TRPM7: variants seen among roughly 807,000 people sequenced by gnomAD.
TRPM7 encodes the protein transient receptor potential cation channel subfamily M member 7, also known as LTRPC ion channel family member 7.
In TRPM7, 134 loss-of-function variants were observed where a neutral mutation model predicts 229.7. The ratio of observed to expected loss-of-function variants is 0.58; its 90% CI spans 0.51 to 0.67. The LOEUF (loss-of-function observed/expected upper bound fraction) is 0.67, where lower values mean the gene tolerates loss of function less well. TRPM7 is among the 30% of genes least tolerant of loss of function. The probability of loss-of-function intolerance (pLI) is 0.00; values close to 1 mark genes in which losing one functional copy is unlikely to be tolerated. For missense variants in TRPM7, 1,901 were observed against 2,210.0 expected (o/e 0.86, Z 2.80); for synonymous variants, 699 against 715.2 (o/e 0.98, Z 0.36).
intron 1 of TRPM7, among the ~76,000 whole-genome samples, chr15:50,679,147 C>G (rs1246437559): frequency 6.7e-6 from 1 of 149,666 alleles, no homozygotes; most frequent in Non-Finnish European, 1.5e-5. Flanking sequence ...GCTGGGATTA[C>G]AGGCATTAAC....
At chr15:50,642,721 C>A (rs773037594) in intron 5 of TRPM7, among the ~76,000 whole-genome samples, 1 of 152,116 alleles carries the variant, frequency 6.6e-6, no homozygotes, top group Non-Finnish European at 1.5e-5. Flanking sequence ...ATTACCAAGT[C>A]TCGGGCAGTT....
chr15:50,569,949 G>C lies in TRPM7; in HGVS notation c.5405C>G (p.Ala1802Gly), dbSNP rs1033839349. The C allele has an allele frequency of 6.2e-7, 1 of 1,611,946 alleles. No homozygotes were observed. The highest frequency in any genetic ancestry group is 1.7e-5 in the Admixed American group (1 of 59,818). Residue 1802 changes from alanine (A) to glycine (G), a missense_variant, in exon 38 of 39, where the codon GCA becomes GGA. Physicochemically the swap from Ala to Gly is moderately conservative, Grantham distance 60 (BLOSUM62 0). Coordinates refer to ENST00000646667, the MANE Select transcript of TRPM7 (RefSeq NM_017672.6). ...ATGTTTTGCTCTGAAGTTTTTAATT[G>C]CATCTTCTCCTAGATTTGCTGGGCC... ...VFGPANLGED[A>G]IKNFRAKHHC...
chr15:50,563,710 T>A (rs763286939), intron 38 of TRPM7, among the ~76,000 whole-genome samples: 6 of 152,206 alleles, frequency 3.9e-5, no homozygotes, highest in Non-Finnish European at 7.3e-5. Flanking sequence ...CTAAAGATGC[T>A]TTATAGCAAG....
chr15:50,607,283 C>T lies in TRPM7; in HGVS notation c.2626G>A (p.Val876Ile). Residue 876 changes from valine (V) to isoleucine (I), a missense_variant, in exon 20 of 39, where the codon GTA becomes ATA. Transcript: ENST00000646667. ...ACTGAAGGTAACTGTTCCATTTGTA[C>T]AAGAACCACAAATGTATAAAGCATC... ...FLMLYTFVVL[V>I]QMEQLPSVQE... 2.5e-6 allele frequency: 4 copies of T among 1,605,634 alleles called. No individual in the cohort carries two copies. The highest frequency in any genetic ancestry group is 2.2e-5 in the South Asian group (2 of 89,018).
At chr15:50,564,239 AC>A (rs2141431693) in intron 38 of TRPM7, among the ~76,000 whole-genome samples, 1 of 146,824 alleles carries the variant, frequency 6.8e-6, no homozygotes, top group East Asian at 2.0e-4. Flanking sequence ...ACAGAGTGAG[AC>A]TGTCTCAAAA....
chr15:50,611,852 C>T (rs1419758319), intron 16 of TRPM7, among the ~76,000 whole-genome samples: 2 of 152,246 alleles, frequency 1.3e-5, no homozygotes, highest in African/African-American at 2.4e-5. Context: ...TAGAAAACTT[C>T]TACAAACTAC....
chr15:50,678,517 AATATATAT>A (rs71127114), intron 1 of TRPM7, among the ~76,000 whole-genome samples: 23 of 132,714 alleles, frequency 1.7e-4, no homozygotes, highest in African/African-American at 4.7e-4. Flanking sequence ...AAAAAAAAAA[AATATATAT>A]ATATATATAT....
intron 30 of TRPM7, among the ~76,000 whole-genome samples, chr15:50,579,090 G>A (rs921570579): frequency 2.6e-5 from 4 of 152,148 alleles, no homozygotes; most frequent in African/African-American, 7.2e-5. Context: ...GTAAGTAGAT[G>A]TCATTTTGCC....
chr15:50,574,400 T>C lies in TRPM7; in HGVS notation c.5182A>G (p.Arg1728Gly). Residue 1728 changes from arginine to glycine, a missense_variant, in exon 36 of 39, where the codon AGA (arginine) becomes GGA (glycine). Transcript: ENST00000646667. ...TCTCCATTATTATTGTTGTATTTTC[T>C]AAATTCTCCAGTCATACATTCTTCC... ...AVEECMTGEF[R>G]KYNNNNGDEI... The C allele has an allele frequency of 6.2e-7, 1 of 1,613,976 alleles. No homozygotes were observed. The highest frequency in any genetic ancestry group is 8.5e-7 in the Non-Finnish European group (1 of 1,179,960).
At chr15:50,679,340 AAC>A (rs941902202) in intron 1 of TRPM7, among the ~76,000 whole-genome samples, 4 of 149,978 alleles carry the variant, frequency 2.7e-5, no homozygotes, top group Admixed American at 6.7e-5. Context: ...ATCCAAAAAA[AAC>A]AAAACAGAAA....
intron 2 of TRPM7, among the ~76,000 whole-genome samples, chr15:50,662,340 A>AT (rs368308696): frequency 1.3e-5 from 2 of 151,574 alleles, no homozygotes; most frequent in African/African-American, 4.8e-5. Flanking sequence ...AAAAAAAAAA[A>AT]GGTAAAAAGA....
chr15:50,580,848 C>T (rs776397379), intron 30 of TRPM7, 26 bp downstream of exon 30: 1 of 1,577,378 alleles, frequency 6.3e-7, no homozygotes, highest in East Asian at 2.3e-5. Context: ...ACTTCGCAAG[C>T]TAATGGTAAG....
At chr15:50,666,191 A>G (rs181346761) in intron 1 of TRPM7, among the ~76,000 whole-genome samples, 1 of 152,182 alleles carries the variant, frequency 6.6e-6, no homozygotes, top group Admixed American at 6.5e-5. Flanking sequence ...ACCTTTATCA[A>G]GACTGAACAA....
intron 3 of TRPM7, among the ~76,000 whole-genome samples, chr15:50,650,703 C>CA (rs11445747): frequency 0.16 from 23,800 of 148,280 alleles, 1,982 homozygotes; most frequent in African/African-American, 0.22. Context: ...TCAAAAAAAA[C>CA]AAAAAAAAAC....
At chr15:50,680,523 C>T (rs1465184532) in intron 1 of TRPM7, among the ~76,000 whole-genome samples, 2 of 151,114 alleles carry the variant, frequency 1.3e-5, no homozygotes, top group African/African-American at 2.4e-5. Flanking sequence ...GAGCCAAGAT[C>T]GCACCACTGA....
chr15:50,613,486 G>C (rs1389549368), intron 15 of TRPM7, among the ~76,000 whole-genome samples: 2 of 115,862 alleles, frequency 1.7e-5, no homozygotes, highest in East Asian at 2.9e-4. Flanking sequence ...TGGTGACAGA[G>C]CAAGACTCCT....
Position 50,570,200 on chromosome 15 carries a change from A to G in TRPM7, c.5309-45T>C, listed in dbSNP as rs2053807486. ...AAAGACAAATAATTTATATTATATA[A>G]TTGACATAAATACTGACATCTGCAT... On this transcript the variant is annotated intron_variant, in intron 36 of 38. Coordinates refer to ENST00000646667, the MANE Select transcript of TRPM7 (RefSeq NM_017672.6). 2.3e-6 allele frequency: 3 copies of G among 1,332,106 alleles called. No individual in the cohort carries two copies. The Admixed American group carries it at 6.4e-5, about 28-fold the overall frequency. The allele number at this position is 1,332,106 out of a possible 1,614,324, so 82.5% of individuals were successfully genotyped here. A position where few individuals can be genotyped will look rare whatever the true frequency, so the allele number is the denominator to read the frequency against.
At chr15:50,591,823 T>C (rs2059502577) in intron 26 of TRPM7, 88 bp downstream of exon 26, 2 of 959,390 alleles carry the variant, frequency 2.1e-6, no homozygotes, top group South Asian at 2.2e-5. Context: ...TATGAAAAGA[T>C]AATGACTTGT....
chr15:50,623,635 G>A (rs1322364249), intron 12 of TRPM7, among the ~76,000 whole-genome samples: 2 of 151,564 alleles, frequency 1.3e-5, no homozygotes, highest in Admixed American at 6.6e-5. Context: ...CACTAAGAAG[G>A]GTAGTATATC....
Sources: allele counts gnomAD v4.1 joint callset (sites outside exome capture counted in the v4.1 genomes callset), GRCh38; gene constraint gnomAD v4.1.1; transcripts MANE v1.5; gene names NCBI Gene and HGNC (gene_info 2026-07-23, HGNC 2026-07-21).